CDH12: variants seen among roughly 807,000 people sequenced by gnomAD.
CDH12 encodes cadherin-12.
A neutral mutation model predicts 74.1 loss-of-function variants in CDH12; 41 were observed. The ratio of observed to expected loss-of-function variants is 0.55; its 90% confidence interval spans 0.43 to 0.72. CDH12 has a LOEUF of 0.72. Among genes scored for constraint, CDH12 ranks in the 30% least tolerant of loss-of-function variants. The pLI is 0.00. For missense variants in CDH12, 945 were observed against 977.2 expected (o/e 0.97, Z 0.44); for synonymous variants, 399 against 355.0 (o/e 1.12, Z -1.39).
intron 10 of CDH12, among the ~76,000 whole-genome samples, chr5:21,790,859 T>C (rs980361094): frequency 1.3e-5 from 2 of 152,040 alleles, no homozygotes; most frequent in African/African-American, 4.8e-5. Flanking sequence ...TTTCTAGTAC[T>C]TGAACTATGA....
chr5:21,981,208 C>T (rs1354068525), intron 5 of CDH12, among the ~76,000 whole-genome samples: 1 of 152,110 alleles, frequency 6.6e-6, no homozygotes, highest in Middle Eastern at 3.2e-3. Flanking sequence ...TCTGTGTTGT[C>T]AATAAAACAC....
At chr5:22,448,556 T>G (rs893050289) in intron 2 of CDH12, among the ~76,000 whole-genome samples, 2 of 152,062 alleles carry the variant, frequency 1.3e-5, no homozygotes, top group Non-Finnish European at 2.9e-5. Flanking sequence ...AATAAGAGGA[T>G]TTCATTATCT....
intron 7 of CDH12, among the ~76,000 whole-genome samples, chr5:21,850,460 A>C (rs2149996222): frequency 6.6e-6 from 1 of 151,722 alleles, no homozygotes; most frequent in East Asian, 1.9e-4. Flanking sequence ...TTTTTAAAAT[A>C]ATGTTCAAGT....
At chr5:22,636,119 C>T (rs1738828906) in intron 1 of CDH12, among the ~76,000 whole-genome samples, 7 of 151,860 alleles carry the variant, frequency 4.6e-5, no homozygotes, top group Admixed American at 4.6e-4. Context: ...TAGGTAACCC[C>T]AATCAAAACC....
chr5:22,132,714 C>T (rs1242678389), intron 4 of CDH12, among the ~76,000 whole-genome samples: 1 of 152,050 alleles, frequency 6.6e-6, no homozygotes, highest in Admixed American at 6.6e-5. Flanking sequence ...CTAATCCAGG[C>T]ACATTTATTT....
chr5:22,005,181 C>T (rs1736868583), intron 5 of CDH12, among the ~76,000 whole-genome samples: 1 of 152,232 alleles, frequency 6.6e-6, no homozygotes, highest in East Asian at 1.9e-4. Flanking sequence ...GCTGGGATTA[C>T]AGGCACCTGC....
intron 4 of CDH12, among the ~76,000 whole-genome samples, chr5:22,115,427 A>G (rs988206801): frequency 2.6e-5 from 4 of 152,188 alleles, no homozygotes; most frequent in Non-Finnish European, 4.4e-5. Context: ...CCTGCATTGT[A>G]AGATTAGCAG....
intron 7 of CDH12, among the ~76,000 whole-genome samples, chr5:21,854,418 A>C (rs1281613950): frequency 6.6e-6 from 1 of 151,764 alleles, no homozygotes; most frequent in Non-Finnish European, 1.5e-5. Context: ...ATTTTAAATA[A>C]GACCAACATT....
intron 1 of CDH12, among the ~76,000 whole-genome samples, chr5:22,795,040 T>C (rs1748118240): frequency 6.6e-6 from 1 of 152,210 alleles, no homozygotes; most frequent in Non-Finnish European, 1.5e-5. Flanking sequence ...TCAGAATTTT[T>C]TTAAATGCAT....
intron 1 of CDH12, among the ~76,000 whole-genome samples, chr5:22,686,915 C>CT (rs549937138): frequency 0.019 from 2,904 of 152,220 alleles, 81 homozygotes; most frequent in African/African-American, 0.067. Flanking sequence ...CTCTCTTTTT[C>CT]CTTATCCCTC....
At chr5:22,503,600 A>G (rs948805583) in intron 2 of CDH12, among the ~76,000 whole-genome samples, 1 of 152,144 alleles carries the variant, frequency 6.6e-6, no homozygotes, top group East Asian at 1.9e-4. Flanking sequence ...ATCAATATGA[A>G]TTCCACTCTA....
At chr5:22,215,984 A>G (rs1751790013) in intron 3 of CDH12, among the ~76,000 whole-genome samples, 1 of 152,126 alleles carries the variant, frequency 6.6e-6, no homozygotes, top group African/African-American at 2.4e-5. Flanking sequence ...CTTGTGAAAT[A>G]GGTTACCATA....
intron 6 of CDH12, among the ~76,000 whole-genome samples, chr5:21,957,304 C>T (rs1477100399): frequency 6.6e-6 from 1 of 152,080 alleles, no homozygotes; most frequent in Non-Finnish European, 1.5e-5. Flanking sequence ...TTTTCTTTAT[C>T]TAAACTCTTA....
In CDH12 at chr5:22,585,373, A is replaced by G. The variant is rs1303506271; in HGVS notation, c.-522-80009T>C. 2.0e-5 allele frequency among the ~76,000 whole-genome samples: 3 copies of G among 152,174 alleles called. No individual in the cohort carries two copies. In the East Asian group the frequency reaches 5.8e-4, roughly 29 times the overall value. ...TTCACAATGATTTCTTTAGGCATAG[A>G]GCTCTTTTTTTTACCTATACTGTTT... On this transcript the variant is annotated intron_variant, in intron 1 of 14. Transcript: ENST00000382254.
intron 8 of CDH12, among the ~76,000 whole-genome samples, chr5:21,830,260 C>T (rs1045957767): frequency 1.4e-5 from 2 of 141,512 alleles, no homozygotes; most frequent in Admixed American, 7.3e-5. Flanking sequence ...CACTTCTCTG[C>T]TTCTCTTTTG....
chr5:22,727,181 G>A (rs936323500), intron 1 of CDH12, among the ~76,000 whole-genome samples: 2 of 151,736 alleles, frequency 1.3e-5, no homozygotes, highest in East Asian at 1.9e-4. Flanking sequence ...ATATAGAAAA[G>A]CCAATTAACA....
intron 1 of CDH12, among the ~76,000 whole-genome samples, chr5:22,725,554 T>C (rs72748714): frequency 0.24 from 35,769 of 150,714 alleles, 4,582 homozygotes; most frequent in South Asian, 0.31. Context: ...GCAACAGAAA[T>C]TTATTTTGGT....
intron 9 of CDH12, among the ~76,000 whole-genome samples, chr5:21,811,959 C>T (rs1390010135): frequency 6.6e-6 from 1 of 151,854 alleles, no homozygotes; most frequent in African/African-American, 2.4e-5. Context: ...ATAAAAATGC[C>T]TTTCTTCAGT....
chr5:22,233,643 A>G (rs181298318), intron 3 of CDH12, among the ~76,000 whole-genome samples: 4 of 152,328 alleles, frequency 2.6e-5, no homozygotes, highest in Admixed American at 2.6e-4. Flanking sequence ...TGTTTTATAG[A>G]GAGATTCTCC....
Sources: allele counts gnomAD v4.1 joint callset (sites outside exome capture counted in the v4.1 genomes callset), GRCh38; gene constraint gnomAD v4.1.1; transcripts MANE v1.5; gene names NCBI Gene and HGNC (gene_info 2026-07-23, HGNC 2026-07-21).